CAMTA1: variants seen among roughly 807,000 people sequenced by gnomAD.
The protein encoded by CAMTA1 is calmodulin binding transcription activator 1.
Under a neutral mutation model 170.9 loss-of-function variants are expected in CAMTA1, and 27 were observed. The ratio of observed to expected loss-of-function variants is 0.16; its 90% CI spans 0.12 to 0.22. CAMTA1 has a LOEUF of 0.22. CAMTA1 is among the 10% of genes least tolerant of loss of function. The pLI is 1.00. For missense variants in CAMTA1, 1,619 were observed against 2,217.2 expected (o/e 0.73, Z 5.42); for synonymous variants, 833 against 891.5 (o/e 0.93, Z 1.17).
At chr1:7,311,978 G>A (rs1676793626) in intron 5 of CAMTA1, among the ~76,000 whole-genome samples, 1 of 152,108 alleles carries the variant, frequency 6.6e-6, no homozygotes, top group Admixed American at 6.5e-5. Context: ...GTTGAGCCCA[G>A]GAGTTTATAA....
At chr1:7,704,463 G>A (rs936613651) in intron 11 of CAMTA1, among the ~76,000 whole-genome samples, 3 of 146,024 alleles carry the variant, frequency 2.1e-5, no homozygotes, top group Admixed American at 6.8e-5. Context: ...GGGACCGGGG[G>A]CCCGGCTCTC....
chr1:7,744,735 C>T (rs955714817), intron 16 of CAMTA1, 100 bp from the exon 17 acceptor site: 2 of 969,064 alleles, frequency 2.1e-6, no homozygotes, highest in African/African-American at 3.3e-5. Flanking sequence ...GCCCTCCTGC[C>T]TGATTATTTT....
chr1:7,724,099 G>A (rs1250680381), intron 11 of CAMTA1, among the ~76,000 whole-genome samples: 2 of 152,192 alleles, frequency 1.3e-5, no homozygotes, highest in Admixed American at 6.5e-5. Context: ...GATTACAGGC[G>A]CGAGCCACTG....
At chr1:7,538,426 G>A (rs772017044) in intron 6 of CAMTA1, among the ~76,000 whole-genome samples, 4 of 152,180 alleles carry the variant, frequency 2.6e-5, no homozygotes, top group African/African-American at 4.8e-5. Context: ...ACAGCGGGGG[G>A]ATCACTTGAG....
intron 3 of CAMTA1, among the ~76,000 whole-genome samples, chr1:6,914,102 CTTTTTT>C (rs35814913): frequency 1.6e-5 from 2 of 122,024 alleles, no homozygotes; most frequent in South Asian, 2.8e-4. Flanking sequence ...GGGCTCATCT[CTTTTTT>C]TTTTTTTTTT....
intron 1 of CAMTA1, among the ~76,000 whole-genome samples, chr1:6,814,068 A>C (rs952097529): frequency 3.3e-5 from 5 of 152,222 alleles, no homozygotes; most frequent in African/African-American, 1.2e-4. Flanking sequence ...GGGAAGAACA[A>C]GCCAGACATC....
At chr1:6,954,047 T>C (rs10864254) in intron 3 of CAMTA1, among the ~76,000 whole-genome samples, 82,616 of 151,818 alleles carry the variant, frequency 0.54, 22,846 homozygotes, top group Non-Finnish European at 0.61. Context: ...CTGCGTGGCT[T>C]GAACCCTGAC....
intron 5 of CAMTA1, among the ~76,000 whole-genome samples, chr1:7,335,871 A>G (rs922355758): frequency 6.6e-6 from 1 of 152,096 alleles, no homozygotes; most frequent in Non-Finnish European, 1.5e-5. Flanking sequence ...GTTAAATAAG[A>G]TTAATCTATT....
At position 7,310,668 on chromosome 1, in the gene CAMTA1, T is replaced by C. The variant is rs866283512; in HGVS notation, c.438+61042T>C. Among the ~76,000 whole-genome samples, 108 of 33,704 alleles carry C rather than the reference T, an allele frequency of 3.2e-3. 2 individuals are homozygous for C. Among genetic ancestry groups the C allele is most frequent in the South Asian group, 5.3e-3 (6 of 1,138 alleles). 22.1% of individuals were successfully genotyped at this position (33,704 alleles called of 152,430 possible). On this transcript the variant is annotated intron_variant, in intron 5 of 22. Coordinates refer to ENST00000303635, the MANE Select transcript of CAMTA1 (RefSeq NM_015215.4). ...TCTTTTTTCTTTCTTTCTTTCTTTC[T>C]TTCCTTTCTTTCTCTCTCTCTCTCT...
intron 3 of CAMTA1, among the ~76,000 whole-genome samples, chr1:7,040,987 GCTGGGATTACAGGCATGAGCCATGGTGC>G (rs775167490): frequency 7.3e-4 from 111 of 152,350 alleles, no homozygotes; most frequent in Non-Finnish European, 1.3e-3. Context: ...CTCCCAAAGT[GCTGGGATTACAGGCATGAGCCATGGTGC>G]CTGGCCCTCC....
At chr1:7,288,785 T>C (rs1672698680) in intron 5 of CAMTA1, among the ~76,000 whole-genome samples, 1 of 152,208 alleles carries the variant, frequency 6.6e-6, no homozygotes, top group African/African-American at 2.4e-5. Flanking sequence ...GAGAGGTGGC[T>C]GCAGCCAGCA....
chr1:6,796,312 A>G (rs1642505737), intron 1 of CAMTA1, among the ~76,000 whole-genome samples: 1 of 151,034 alleles, frequency 6.6e-6, no homozygotes, highest in Admixed American at 6.6e-5. Context: ...TAATTTTTGT[A>G]TTTTTTGCGG....
At chr1:7,525,330 A>T (rs1238898561) in intron 6 of CAMTA1, among the ~76,000 whole-genome samples, 5 of 151,792 alleles carry the variant, frequency 3.3e-5, no homozygotes, top group African/African-American at 1.2e-4. Context: ...CAGCAGGCAG[A>T]GGACAAGCCC....
chr1:7,641,637 G>A lies in CAMTA1; in HGVS notation c.664+1084G>A, dbSNP rs1355092496. 2.0e-5 allele frequency among the ~76,000 whole-genome samples: 3 copies of A among 152,072 alleles called. No homozygotes were observed. Among genetic ancestry groups the A allele is most frequent in the African/African-American group, 7.2e-5 (3 of 41,398 alleles). On this transcript the variant is annotated intron_variant, in intron 7 of 22. Transcript: ENST00000303635. The surrounding 1 kb of genome is among the most constrained non-coding windows in gnomAD (Gnocchi z 4.5). ...GGGATGAGGGTCAGGAGGGACAGAG[G>A]GGTCTGTGTGGCAAGGGAGGCCCCC...
At chr1:7,177,582 C>T (rs1417087073) in intron 4 of CAMTA1, among the ~76,000 whole-genome samples, 1 of 147,750 alleles carries the variant, frequency 6.8e-6, no homozygotes, top group African/African-American at 2.5e-5. Context: ...CATCAAAACT[C>T]TCCCCATACC....
At chr1:7,197,253 C>T (rs1573822579) in intron 4 of CAMTA1, among the ~76,000 whole-genome samples, 1 of 152,180 alleles carries the variant, frequency 6.6e-6, no homozygotes, top group East Asian at 1.9e-4. Context: ...GGACCAGCAG[C>T]CAGGAGATGC....
chr1:7,057,741 G>A (rs1707579392), intron 3 of CAMTA1, among the ~76,000 whole-genome samples: 2 of 152,222 alleles, frequency 1.3e-5, no homozygotes, highest in African/African-American at 2.4e-5. Flanking sequence ...TACAGATGAG[G>A]TTGTGGCATA....
intron 1 of CAMTA1, among the ~76,000 whole-genome samples, chr1:6,818,578 G>T (rs551639745): frequency 5.9e-5 from 9 of 152,286 alleles, no homozygotes; most frequent in Non-Finnish European, 1.3e-4. Context: ...GTACAGAGAG[G>T]TTGAATTACT....
intron 6 of CAMTA1, among the ~76,000 whole-genome samples, chr1:7,578,605 T>C (rs147671037): frequency 1.3e-5 from 2 of 152,246 alleles, no homozygotes; most frequent in African/African-American, 4.8e-5. Flanking sequence ...TATGGAGCTG[T>C]CTTAGTCTGT....
Sources: allele counts gnomAD v4.1 joint callset (sites outside exome capture counted in the v4.1 genomes callset), GRCh38; gene constraint gnomAD v4.1.1; non-coding constraint Gnocchi (gnomAD v3.1); transcripts MANE v1.5; gene names NCBI Gene and HGNC (gene_info 2026-07-23, HGNC 2026-07-21).